Variants in TBC1D32 observed in about 807,000 individuals in gnomAD.
TBC1D32 encodes the protein TBC1 domain family member 32, also known as protein broad-minded.
Under a neutral mutation model 170.3 loss-of-function variants are expected in TBC1D32, and 151 were observed. The observed-to-expected ratio is 0.89, with a 90% confidence interval of 0.78 to 1.01. The LOEUF (loss-of-function observed/expected upper bound fraction) is 1.01, where lower values mean the gene tolerates loss of function less well. TBC1D32 is among the 50% of genes least tolerant of loss of function. The pLI is 0.00. For synonymous variants in TBC1D32, 498 were observed against 488.0 expected (o/e 1.02, Z -0.27); for missense variants, 1,464 against 1,457.1 (o/e 1.00, Z -0.08).
chr6:121,132,927 G>A (rs1164857904), intron 24 of TBC1D32, among the ~76,000 whole-genome samples: 4 of 151,884 alleles, frequency 2.6e-5, no homozygotes, highest in Middle Eastern at 3.2e-3. Flanking sequence ...CAAAGGTGAC[G>A]AAAGAGGCAA....
intron 26 of TBC1D32, among the ~76,000 whole-genome samples, chr6:121,125,279 T>C (rs1182896586): frequency 1.3e-5 from 2 of 152,076 alleles, no homozygotes; most frequent in African/African-American, 4.8e-5. Context: ...TTGCAAGGCC[T>C]GAGATTGACA....
intron 24 of TBC1D32, among the ~76,000 whole-genome samples, chr6:121,153,867 G>A (rs972782820): frequency 1.3e-5 from 2 of 152,012 alleles, no homozygotes; most frequent in African/African-American, 4.8e-5. Context: ...ATACCAGGTC[G>A]ACTTCAGACT....
Position 121,239,127 on chromosome 6 carries a change from A to G in TBC1D32, c.2307T>C (p.Val769=), listed in dbSNP as rs368342963. The G allele has an allele frequency of 8.1e-6, 13 of 1,606,130 alleles. No homozygotes were observed. Among genetic ancestry groups the G allele is most frequent in the Non-Finnish European group, 1.1e-5 (13 of 1,174,642 alleles). The change falls in exon 20 of 32, where the codon GTT becomes GTC. Residue 769 remains valine, a synonymous_variant. Coordinates refer to ENST00000398212, the MANE Select transcript of TBC1D32 (RefSeq NM_152730.6). ...WSNLEYGRDD[V]RVTHPRTTPV... ...GAGTAGTTCTGGGATGGGTTACCCTAACATCATCTCTTCCATATTCCAGAT... is the reference window on the plus strand; with the variant it reads ...GAGTAGTTCTGGGATGGGTTACCCTGACATCATCTCTTCCATATTCCAGAT...
At chr6:121,212,706 C>A (rs1793246183) in intron 21 of TBC1D32, among the ~76,000 whole-genome samples, 2 of 152,086 alleles carry the variant, frequency 1.3e-5, no homozygotes, top group African/African-American at 4.8e-5. Flanking sequence ...GGTGATCCAC[C>A]TGCCTCGGGC....
intron 21 of TBC1D32, among the ~76,000 whole-genome samples, chr6:121,214,030 G>A (rs1343662928): frequency 1.3e-5 from 2 of 152,202 alleles, no homozygotes; most frequent in Admixed American, 6.5e-5. Context: ...AACAAGCAAT[G>A]AGGAAAGAAC....
chr6:121,221,007 CT>C (rs1794456892), intron 21 of TBC1D32, among the ~76,000 whole-genome samples: 2 of 30,634 alleles, frequency 6.5e-5, no homozygotes, highest in African/African-American at 4.1e-5. Flanking sequence ...ATTTTCATAG[CT>C]AGAAAGGAGA....
At chr6:121,156,723 G>A (rs1746344656) in intron 24 of TBC1D32, among the ~76,000 whole-genome samples, 1 of 94,630 alleles carries the variant, frequency 1.1e-5, no homozygotes, top group South Asian at 5.5e-4. Context: ...TCTCTACTTT[G>A]ATTAGTTTCA....
intron 22 of TBC1D32, among the ~76,000 whole-genome samples, chr6:121,164,514 T>C (rs200837133): frequency 0.76 from 8,236 of 10,872 alleles, 3,979 homozygotes; most frequent in East Asian, 1. Flanking sequence ...TGCTGAGAGA[T>C]TGTGTCACCA....
At chr6:121,104,400 C>G (rs896075831) in intron 30 of TBC1D32, among the ~76,000 whole-genome samples, 1 of 151,592 alleles carries the variant, frequency 6.6e-6, no homozygotes, top group African/African-American at 2.4e-5. Context: ...TCTTCTATAG[C>G]ACTGATGTAG....
chr6:121,241,167 T>G (rs190505926), intron 19 of TBC1D32, among the ~76,000 whole-genome samples: 1 of 152,246 alleles, frequency 6.6e-6, no homozygotes, highest in African/African-American at 2.4e-5. Context: ...ATTTATAAGA[T>G]GAAGGAAGAT....
chr6:121,191,497 G>A (rs1790025632), intron 22 of TBC1D32, among the ~76,000 whole-genome samples: 1 of 152,040 alleles, frequency 6.6e-6, no homozygotes, highest in Non-Finnish European at 1.5e-5. Context: ...AGGGAGCAGG[G>A]TCAGCTTGCC....
At position 121,183,806 on chromosome 6, in the gene TBC1D32, G is replaced by A. The variant is rs1337654808; in HGVS notation, c.2570+21269C>T. On this transcript the variant is annotated intron_variant, in intron 22 of 31. Transcript: ENST00000398212. ...TAGTACAAGACGTCAATGGAGAGTT[G>A]CAGAATTTCTCCAACAGTCTTCTCA... 2.6e-5 allele frequency among the ~76,000 whole-genome samples: 4 copies of A among 152,136 alleles called. No individual in the cohort carries two copies. The South Asian group carries it at 6.2e-4, about 24-fold the overall frequency.
intron 15 of TBC1D32, among the ~76,000 whole-genome samples, chr6:121,267,114 C>T (rs1486884212): frequency 7.5e-6 from 1 of 133,754 alleles, no homozygotes; most frequent in Admixed American, 7.2e-5. Flanking sequence ...ACTAAAATAA[C>T]AATGTGCTCT....
In TBC1D32 at chr6:121,160,028, T is replaced by G; in HGVS notation, c.2755A>C (p.Asn919His). 1 of 1,604,500 alleles carries G rather than the reference T, an allele frequency of 6.2e-7. No individual in the cohort carries two copies. Among genetic ancestry groups the G allele is most frequent in the Non-Finnish European group, 8.5e-7 (1 of 1,171,988 alleles). ...ATTTTACCTTGTTTTATACCAGCAT[T>G]TCTTGTAATGTCTGACAGATAGCAG... ...PNCYLSDITR[N>H]AGIKQDNDLD... Residue 919 changes from asparagine to histidine, a missense_variant, in exon 24 of 32, where the codon AAT becomes CAT. Asn to His is a moderately conservative substitution (Grantham distance 68, BLOSUM62 1). Coordinates refer to ENST00000398212, the MANE Select transcript of TBC1D32 (RefSeq NM_152730.6).
chr6:121,245,606 T>TC lies in TBC1D32; in HGVS notation c.2019-3268dup, dbSNP rs1430797055. On this transcript the variant is annotated intron_variant, in intron 17 of 31. Coordinates refer to ENST00000398212, the MANE Select transcript of TBC1D32 (RefSeq NM_152730.6). Reference sequence around the variant, plus strand: ...ATGGTCTTGGAGAAGGGATCCTTGGTCCCCCCGGTACATTACTGCAGACAA... The same window carrying TC: ...ATGGTCTTGGAGAAGGGATCCTTGGTCCCCCCCGGTACATTACTGCAGACAA... 1.1e-4 allele frequency among the ~76,000 whole-genome samples: 16 copies of TC among 152,090 alleles called. 1 individual carries two copies. The East Asian group carries it at 3.1e-3, about 29-fold the overall frequency.
chr6:121,156,860 C>A (rs999941678), intron 24 of TBC1D32, among the ~76,000 whole-genome samples: 1 of 152,070 alleles, frequency 6.6e-6, no homozygotes, highest in Non-Finnish European at 1.5e-5. Flanking sequence ...ATTTTTATGG[C>A]ACTGTGGTCT....
chr6:121,202,602 T>C (rs2128301336), intron 22 of TBC1D32, among the ~76,000 whole-genome samples: 1 of 151,402 alleles, frequency 6.6e-6, no homozygotes, highest in South Asian at 2.1e-4. Context: ...GATCAGTGGC[T>C]GCAAGGAGAC....
At chr6:121,203,777 A>G (rs554357634) in intron 22 of TBC1D32, among the ~76,000 whole-genome samples, 1 of 151,484 alleles carries the variant, frequency 6.6e-6, no homozygotes, top group African/African-American at 2.4e-5. Flanking sequence ...TCTTTTATCT[A>G]TCAACAATGG....
intron 12 of TBC1D32, among the ~76,000 whole-genome samples, chr6:121,288,762 C>T (rs1407185093): frequency 1.3e-5 from 2 of 151,824 alleles, no homozygotes; most frequent in African/African-American, 4.8e-5. Flanking sequence ...CAATAAAATA[C>T]TGGCAAACCA....
Sources: gnomAD v4.1 joint callset for allele counts (sites outside exome capture counted in the v4.1 genomes callset) on GRCh38, gnomAD v4.1.1 for gene constraint, MANE v1.5 for transcripts, NCBI Gene and HGNC (gene_info 2026-07-23, HGNC 2026-07-21) for gene names.